The following CDIN1 variants were observed in gnomAD, a reference collection of about 807,000 sequenced individuals.
CDIN1 encodes CDAN1-interacting nuclease 1.
Under a neutral mutation model 45.3 loss-of-function variants are expected in CDIN1, and 33 were observed. That is an observed-to-expected ratio of 0.73 (90% CI 0.55 to 0.97). CDIN1 has a LOEUF of 0.97. Ranked by LOEUF, CDIN1 falls within the 50% of genes least tolerant of loss-of-function variation. The probability of loss-of-function intolerance (pLI) is 0.00; values close to 1 mark genes in which losing one functional copy is unlikely to be tolerated. For synonymous variants in CDIN1, 118 were observed against 124.4 expected, an observed-to-expected ratio of 0.95 and a Z score of 0.34; for missense variants, 303 against 339.4, an observed-to-expected ratio of 0.89 and a Z score of 0.84.
At chr15:36,789,757 A>G (rs1177840076) in intron 10 of CDIN1, among the ~76,000 whole-genome samples, 6 of 152,200 alleles carry the variant, frequency 3.9e-5, no homozygotes, top group Admixed American at 1.3e-4. Flanking sequence ...CTCTTCTGAA[A>G]TGTCTGTTCT....
At chr15:36,616,786 A>G (rs1396383436) in intron 1 of CDIN1, among the ~76,000 whole-genome samples, 1 of 151,770 alleles carries the variant, frequency 6.6e-6, no homozygotes, top group African/African-American at 2.4e-5. Flanking sequence ...TTAGCCAGGC[A>G]TGGTGGCGCA....
chr15:36,709,765 T>C lies in CDIN1; in HGVS notation c.611-91T>C, dbSNP rs150899704. On this transcript the variant is annotated intron_variant, in intron 9 of 10. Transcript: ENST00000566621. ...ATGGTAAGGGCTAAGCCTGTGCTCA[T>C]TAATGTGAAGCATAGAGAGGCCTGT... is the stretch of plus-strand genomic sequence containing the variant. 10 of 921,418 alleles carry C rather than the reference T, an allele frequency of 1.1e-5. No individual in the cohort carries two copies. In the East Asian group the frequency reaches 2.2e-4, roughly 20 times the overall value. The allele number at this position is 921,418 out of a possible 1,614,324, so 57.1% of individuals were successfully genotyped here. A position where few individuals can be genotyped will look rare whatever the true frequency, so the allele number is the denominator to read the frequency against.
At chr15:36,808,139 G>A (rs183380459) in intron 10 of CDIN1, among the ~76,000 whole-genome samples, 185 bp from the exon 11 acceptor site, 3 of 152,264 alleles carry the variant, frequency 2.0e-5, no homozygotes, top group East Asian at 3.9e-4. Flanking sequence ...CATCCGAGAA[G>A]GTAGTATGTG....
chr15:36,673,215 G>A (rs1038954787), intron 5 of CDIN1, among the ~76,000 whole-genome samples: 2 of 152,054 alleles, frequency 1.3e-5, no homozygotes, highest in South Asian at 2.1e-4. Context: ...AGCTGTCTCC[G>A]GGTGTTTGAA....
chr15:36,781,152 C>G (rs2054342371), intron 10 of CDIN1, among the ~76,000 whole-genome samples: 2 of 152,242 alleles, frequency 1.3e-5, no homozygotes, highest in South Asian at 4.1e-4. Flanking sequence ...AAAGAATAAT[C>G]TAATGAATGC....
intron 5 of CDIN1, among the ~76,000 whole-genome samples, chr15:36,662,135 T>C (rs1176376060): frequency 6.6e-6 from 1 of 152,218 alleles, no homozygotes; most frequent in African/African-American, 2.4e-5. Flanking sequence ...TTATACAGCT[T>C]ACCTTTGCTT....
intron 5 of CDIN1, among the ~76,000 whole-genome samples, chr15:36,680,913 AC>A (rs1439104214): frequency 6.6e-6 from 1 of 152,178 alleles, no homozygotes; most frequent in Non-Finnish European, 1.5e-5. Flanking sequence ...GCAAAACTAA[AC>A]ATGAAACTAC....
At chr15:36,655,505 T>G (rs890215410) in intron 4 of CDIN1, among the ~76,000 whole-genome samples, 1 of 152,112 alleles carries the variant, frequency 6.6e-6, no homozygotes, top group African/African-American at 2.4e-5. Flanking sequence ...TTTTGTATTT[T>G]TAGCAGAGAC....
At chr15:36,801,066 A>G (rs2055028752) in intron 10 of CDIN1, among the ~76,000 whole-genome samples, 1 of 151,136 alleles carries the variant, frequency 6.6e-6, no homozygotes, top group Admixed American at 6.6e-5. Flanking sequence ...CTCATGAACA[A>G]GAAACTTAAA....
chr15:36,599,476 A>G (rs1174326298), intron 1 of CDIN1, among the ~76,000 whole-genome samples: 1 of 152,230 alleles, frequency 6.6e-6, no homozygotes, highest in Non-Finnish European at 1.5e-5. Context: ...TCAGTGCTTT[A>G]AGAAGTGATG....
Position 36,762,482 on chromosome 15 carries a change from G to GT in CDIN1, c.717-45839dup, listed in dbSNP as rs1232150919. On this transcript the variant is annotated intron_variant, in intron 10 of 10. Transcript: ENST00000566621. ...TCTGCCCCATATGTTGTTTTGTTTT[G>GT]TTTGTTTGTTTGTTTGTTTGTTTTA... Among the ~76,000 whole-genome samples the GT allele has an allele frequency of 7.2e-5, 8 of 111,282 alleles. No individual in the cohort carries two copies. In the South Asian group the frequency reaches 1.5e-3, roughly 21 times the overall value. The allele number at this position is 111,282 out of a possible 152,430, so 73.0% of individuals were successfully genotyped here.
intron 7 of CDIN1, chr15:36,696,305 A>G (rs1445623416): frequency 6.6e-6 from 1 of 152,042 alleles, no homozygotes; most frequent in Non-Finnish European, 1.5e-5. Context: ...CTAATCCACA[A>G]CTCTTTACTA....
intron 10 of CDIN1, among the ~76,000 whole-genome samples, chr15:36,717,418 T>C (rs1049188729): frequency 6.6e-5 from 10 of 152,170 alleles, no homozygotes; most frequent in African/African-American, 2.4e-4. Flanking sequence ...AATAGAACTA[T>C]GCAGCATGTA....
intron 5 of CDIN1, among the ~76,000 whole-genome samples, chr15:36,684,592 A>G (rs1344761529): frequency 6.6e-6 from 1 of 152,128 alleles, no homozygotes; most frequent in Non-Finnish European, 1.5e-5. Flanking sequence ...TGCTGGCCTC[A>G]TAAAATGAGT....
rs115482327 is a variant in CDIN1, at chr15:36,722,749, A to C, written c.716+12788A>C. Among the ~76,000 whole-genome samples the C allele has an allele frequency of 3.7e-3, 561 of 152,302 alleles. 2 individuals carry two copies. The highest frequency in any genetic ancestry group is 0.013 in the African/African-American group (521 of 41,576). On this transcript the variant is annotated intron_variant, in intron 10 of 10. Coordinates refer to ENST00000566621, the MANE Select transcript of CDIN1 (RefSeq NM_001321759.2). Reference sequence around the variant, plus strand: ...GCCTGTGCTCATTCTCTTCTCACATATGTGGAATATGGAAAATGAGTCATG... The same window carrying C: ...GCCTGTGCTCATTCTCTTCTCACATCTGTGGAATATGGAAAATGAGTCATG...
chr15:36,753,395 A>G (rs552982796), intron 10 of CDIN1, among the ~76,000 whole-genome samples: 1 of 152,106 alleles, frequency 6.6e-6, no homozygotes, highest in Non-Finnish European at 1.5e-5. Context: ...GAGATACAGT[A>G]TAAGGGATTA....
intron 1 of CDIN1, among the ~76,000 whole-genome samples, chr15:36,635,462 G>A (rs1013242025): frequency 6.6e-6 from 1 of 152,038 alleles, no homozygotes; most frequent in African/African-American, 2.4e-5. Context: ...CCAACTTTTT[G>A]TATACATGAG....
chr15:36,781,725 G>A (rs909708994), intron 10 of CDIN1, among the ~76,000 whole-genome samples: 49 of 152,214 alleles, frequency 3.2e-4, no homozygotes, highest in Admixed American at 2.2e-3. Context: ...CCATGATGCC[G>A]CAGTGAGATT....
chr15:36,784,047 ATAAG>A (rs2054424389), intron 10 of CDIN1, among the ~76,000 whole-genome samples: 1 of 152,238 alleles, frequency 6.6e-6, no homozygotes, highest in Admixed American at 6.5e-5. Flanking sequence ...AATATTTAGA[ATAAG>A]TAAGCATGCA....
Sources: gnomAD v4.1 joint callset for allele counts (sites outside exome capture counted in the v4.1 genomes callset) on GRCh38, gnomAD v4.1.1 for gene constraint, MANE v1.5 for transcripts, NCBI Gene and HGNC (gene_info 2026-07-23, HGNC 2026-07-21) for gene names.